The following PPRC1 variants were observed in gnomAD, a reference collection of about 807,000 sequenced individuals.
PPRC1 encodes the protein PPARG related coactivator 1, also known as peroxisome proliferator-activated receptor gamma coactivator-related protein 1.
Under a neutral mutation model 132.5 loss-of-function variants are expected in PPRC1, and 23 were observed. That is an observed-to-expected ratio of 0.17 (90% CI 0.12 to 0.25). The LOEUF is 0.25. PPRC1 is among the 10% of genes least tolerant of loss of function. The pLI, the probability that PPRC1 is intolerant of heterozygous loss-of-function variation, is 1.00. For missense variants in PPRC1, 2,006 were observed against 2,089.1 expected, an observed-to-expected ratio of 0.96 and a Z score of 0.78; for synonymous variants, 872 against 833.5, an observed-to-expected ratio of 1.05 and a Z score of -0.80.
At position 102,141,921 on chromosome 10, in the gene PPRC1, C is replaced by T. The variant is rs2133664068; in HGVS notation, c.3413C>T (p.Ala1138Val). Reference protein sequence around the residue: ...TVPKLPAVHPARLRKLSFLPT... With the variant: ...TVPKLPAVHPVRLRKLSFLPT... ...CCCAAGCTGCCTGCTGTCCACCCAGCCCGTCTAAGGAAGCTGTCCTTCCTG... is the reference window on the plus strand; with the variant it reads ...CCCAAGCTGCCTGCTGTCCACCCAGTCCGTCTAAGGAAGCTGTCCTTCCTG... Residue 1138 changes from alanine to valine, a missense_variant, in exon 5 of 14, where the codon GCC becomes GTC. This residue lies in a region of PPRC1 where 1,914 missense variants were observed against 1,917.2 expected (regional missense o/e 1.00). Transcript: ENST00000278070. 6.2e-7 allele frequency: 1 copy of T among 1,614,146 alleles called. No individual in the cohort carries two copies. The highest frequency in any genetic ancestry group is 2.2e-5 in the East Asian group (1 of 44,886).
In PPRC1 at chr10:102,137,903, G is replaced by A; in HGVS notation, c.207G>A (p.Leu69=). Residue 69 remains leucine (L), a synonymous_variant, in exon 2 of 14, where the codon CTG becomes CTA. Transcript: ENST00000278070. ...GDSGFVSLSR[L]GPSLRDKDLE... is the part of the protein sequence containing the mutation. The stretch of plus-strand genomic sequence containing the variant: ...CTGGCTTTGTCAGTCTCTCTCGGCT[G>A]GGCCCATCTCTGAGGGACAAGGACC... The A allele has an allele frequency of 6.2e-7, 1 of 1,614,140 alleles. No homozygotes were observed. The highest frequency in any genetic ancestry group is 8.5e-7 in the Non-Finnish European group (1 of 1,180,016).
chr10:102,126,961 C>T, the PPRC1 span, among the ~76,000 whole-genome samples: 5 of 124,018 alleles, frequency 4.0e-5, no homozygotes, highest in African/African-American at 1.4e-4. Flanking sequence ...ATGGAGAAGG[C>T]ACCATCCTTG....
Position 102,148,414 on chromosome 10 carries a change from CTCTTCT to C in PPRC1, c.4446_4451del (p.Ser1498_Ser1499del), listed in dbSNP as rs765619791. The stretch of plus-strand genomic sequence containing the variant: ...CTGGACGTTCTCGAAGATGCTCTTC[CTCTTCT>C]TCGTCATCATCTTCCTCTTCGTCTT... On this transcript the variant is annotated inframe_deletion, in exon 10 of 14. Coordinates refer to ENST00000278070, the MANE Select transcript of PPRC1 (RefSeq NM_015062.5). The surrounding 1 kb of genome is among the most constrained non-coding windows in gnomAD (Gnocchi z 4.2). 6.2e-7 allele frequency: 1 copy of C among 1,612,420 alleles called. No individual in the cohort carries two copies. The highest frequency in any genetic ancestry group is 8.5e-7 in the Non-Finnish European group (1 of 1,178,760).
chr10:102,149,397 T>A (rs1373150642), intron 13 of PPRC1, 68 bp downstream of exon 13: 1 of 1,469,332 alleles, frequency 6.8e-7, no homozygotes, highest in East Asian at 2.3e-5. Flanking sequence ...CCTAACCCTT[T>A]GTGAGTGGGG....
Position 102,139,295 on chromosome 10 carries a change from G to T in PPRC1, c.787G>T (p.Glu263Ter). The T allele has an allele frequency of 6.2e-7, 1 of 1,614,206 alleles. No individual in the cohort carries two copies. ...ASFSGQILAG[E>*]LDNCVSSIPD... ...CTTCAGTGGCCAGATTCTTGCCGGG[G>T]AGCTTGACAACTGTGTGAGCAGTAT... Residue 263 changes from glutamate (E) to a stop codon, truncating the protein, a stop_gained, in exon 5 of 14, where the codon GAG becomes TAG. Transcript: ENST00000278070. LOFTEE classifies it high-confidence loss of function.
In PPRC1 at chr10:102,146,699, A is replaced by C. The variant is rs1324124117; in HGVS notation, c.3707A>C (p.His1236Pro). ...AGLTPPATPP[H>P]QLWKPLAAVS... The stretch of plus-strand genomic sequence containing the variant: ...CTCACCCCTCCAGCTACCCCTCCCC[A>C]CCAGTTATGGAAGCCCCTGGCTGCT... Residue 1236 changes from histidine to proline, a missense_variant, in exon 9 of 14, where the codon CAC becomes CCC. Around this residue, in one of 2 missense-constraint regions of PPRC1, gnomAD observed 1,914 missense variants for 1,917.2 expected, o/e 1.00. Coordinates refer to ENST00000278070, the MANE Select transcript of PPRC1 (RefSeq NM_015062.5). 6.2e-7 allele frequency: 1 copy of C among 1,611,298 alleles called. No homozygotes were observed.
chr10:102,120,810 G>T, the PPRC1 span, among the ~76,000 whole-genome samples: 1 of 152,176 alleles, frequency 6.6e-6, no homozygotes, highest in Admixed American at 6.5e-5. Flanking sequence ...AGCCGCGGCT[G>T]GGGGAGGCGG....
chr10:102,137,277 C>A (rs868850772), intron 1 of PPRC1, among the ~76,000 whole-genome samples: 15 of 152,154 alleles, frequency 9.9e-5, no homozygotes, highest in Admixed American at 3.3e-4. Context: ...AGACCGAACC[C>A]ATGAGTGTCA....
intron 1 of PPRC1, among the ~76,000 whole-genome samples, chr10:102,137,168 G>C (rs967045878): frequency 5.9e-5 from 9 of 152,290 alleles, no homozygotes; most frequent in Non-Finnish European, 1.0e-4. Flanking sequence ...GTGAAACCCT[G>C]TCTCTACTAA....
chr10:102,135,997 G>A lies in PPRC1; in HGVS notation c.154-1853G>A, dbSNP rs567810241. On this transcript the variant is annotated intron_variant, in intron 1 of 13. Transcript: ENST00000278070. ...TGTCTCTGACTGGACACCTGATGGA[G>A]GTGAAGATGAGTGGTTCATAGAGAG... Among the ~76,000 whole-genome samples, 5 of 152,256 alleles carry A rather than the reference G, an allele frequency of 3.3e-5. No individual in the cohort carries two copies. The South Asian group carries it at 1.0e-3, about 32-fold the overall frequency.
chr10:102,147,714 G>A (rs186161508), intron 9 of PPRC1, among the ~76,000 whole-genome samples: 2 of 152,126 alleles, frequency 1.3e-5, no homozygotes, highest in East Asian at 3.9e-4. Context: ...TGGTATTCTG[G>A]GCGCTATGTG....
chr10:102,141,548 C>T lies in PPRC1; in HGVS notation c.3040C>T (p.Pro1014Ser), dbSNP rs778796438. 9.9e-6 allele frequency: 16 copies of T among 1,613,976 alleles called. No individual in the cohort carries two copies. The highest frequency in any genetic ancestry group is 1.3e-5 in the Non-Finnish European group (15 of 1,180,030). The change falls in exon 5 of 14, where the codon CCT becomes TCT. Residue 1014 changes from proline to serine, a missense_variant. Around this residue, in one of 2 missense-constraint regions of PPRC1, gnomAD observed 1,914 missense variants for 1,917.2 expected, o/e 1.00. Coordinates refer to ENST00000278070, the MANE Select transcript of PPRC1 (RefSeq NM_015062.5). ...PASIGRAVPQPKMESRGTPAG... is the reference protein window; with the variant it reads ...PASIGRAVPQSKMESRGTPAG... Reference sequence around the variant, plus strand: ...CTCCATTGGGAGAGCTGTTCCCCAACCTAAAATGGAGTCTAGGGGCACTCC... The same window carrying T: ...CTCCATTGGGAGAGCTGTTCCCCAATCTAAAATGGAGTCTAGGGGCACTCC...
intron 5 of PPRC1, 35 bp downstream of exon 5, chr10:102,142,039 A>G (rs992957915): frequency 5.8e-6 from 9 of 1,562,682 alleles, no homozygotes; most frequent in African/African-American, 1.4e-5. Context: ...GTAGTCCCCA[A>G]GTTGGCTGGG....
chr10:102,142,248 G>T (rs548965800), intron 5 of PPRC1, among the ~76,000 whole-genome samples: 4 of 150,100 alleles, frequency 2.7e-5, no homozygotes, highest in South Asian at 2.1e-4. Flanking sequence ...GACTACAGGT[G>T]CCCGCCACCA....
chr10:102,146,963 A>C lies in PPRC1; in HGVS notation c.3971A>C (p.Lys1324Thr). The change falls in exon 9 of 14, where the codon AAG becomes ACG. Residue 1324 changes from lysine to threonine, a missense_variant. By Grantham distance (78) the Lys-to-Thr change is moderately conservative. Around this residue, in one of 2 missense-constraint regions of PPRC1, gnomAD observed 1,914 missense variants for 1,917.2 expected, o/e 1.00. Transcript: ENST00000278070. ...IPEVGSRWNV[K>T]RHQDITIKPV... ...GAGGTGGGCTCCCGATGGAATGTCA[A>C]GCGCCATCAGGACATCACCATCAAA... The C allele has an allele frequency of 6.2e-7, 1 of 1,614,112 alleles. No individual in the cohort carries two copies.
the PPRC1 span, among the ~76,000 whole-genome samples, chr10:102,120,722 G>T: frequency 2.0e-5 from 3 of 152,210 alleles, no homozygotes; most frequent in Non-Finnish European, 4.4e-5. Context: ...GAAGGGGAGG[G>T]CTTGGAGGCG....
Position 102,147,160 on chromosome 10 carries a change from A to G in PPRC1, c.4168A>G (p.Arg1390Gly), listed in dbSNP as rs1232853504. 3 of 1,614,128 alleles carry G rather than the reference A, an allele frequency of 1.9e-6. No individual in the cohort carries two copies. The highest frequency in any genetic ancestry group is 2.5e-6 in the Non-Finnish European group (3 of 1,180,016). Residue 1390 changes from arginine to glycine, a missense_variant, in exon 9 of 14, where the codon AGG (arginine) becomes GGG (glycine). By Grantham distance (125) the Arg-to-Gly change is moderately radical. Transcript: ENST00000278070. ...ACCCTGCCGGAATGACATGAACACT[A>G]GGACTCCCCCTGAACCCTCAGCCAA... ...ASPCRNDMNT[R>G]TPPEPSAKQR...
chr10:102,139,621 A>G lies in PPRC1; in HGVS notation c.1113A>G (p.Gly371=), dbSNP rs568200511. ...IPVVVRQVSP[G]PRPVLLDDSL... is the part of the protein sequence containing the mutation. ...TTGTGGTGCGACAGGTCTCTCCTGG[A>G]CCCCGGCCTGTGCTCCTGGATGACT... Residue 371 remains glycine, a synonymous_variant, in exon 5 of 14, where the codon GGA becomes GGG. Transcript: ENST00000278070. 289 of 1,613,884 alleles carry G rather than the reference A, an allele frequency of 1.8e-4. 6 individuals carry two copies. In the South Asian group the frequency reaches 3.2e-3, roughly 18 times the overall value.
At chr10:102,133,429 G>C (rs1590311273) in intron 1 of PPRC1, among the ~76,000 whole-genome samples, 3 of 152,286 alleles carry the variant, frequency 2.0e-5, no homozygotes, top group African/African-American at 7.2e-5. Context: ...GGGGACGCCG[G>C]AGGGGGAGAG....
Sources: gnomAD v4.1 joint callset for allele counts (sites outside exome capture counted in the v4.1 genomes callset) on GRCh38, gnomAD v4.1.1 for gene constraint, gnomAD v4.1.1 regional missense constraint, Gnocchi (gnomAD v3.1) non-coding constraint, MANE v1.5 for transcripts, NCBI Gene and HGNC (gene_info 2026-07-23, HGNC 2026-07-21) for gene names.